Variants in PPFIBP2 observed in about 807,000 individuals in gnomAD.
PPFIBP2 encodes the protein liprin-beta-2.
PPFIBP2 carries 118 observed loss-of-function variants against 118.3 expected under a neutral mutation model. That is an observed-to-expected ratio of 1.00 (90% CI 0.86 to 1.16). The LOEUF is 1.16. PPFIBP2 is among the 50% of genes most tolerant of loss of function. The probability of loss-of-function intolerance (pLI) is 0.00; values close to 1 mark genes in which losing one functional copy is unlikely to be tolerated. For missense variants in PPFIBP2, 1,195 were observed against 1,073.1 expected, an observed-to-expected ratio of 1.11 and a Z score of -1.59; for synonymous variants, 414 against 397.4, an observed-to-expected ratio of 1.04 and a Z score of -0.50.
At chr11:7,572,311 A>G (rs555247844) in intron 3 of PPFIBP2, among the ~76,000 whole-genome samples, 1 of 152,302 alleles carries the variant, frequency 6.6e-6, no homozygotes, top group African/African-American at 2.4e-5. Context: ...TTCCTGACAC[A>G]GCAGCCAAGA....
intron 23 of PPFIBP2, among the ~76,000 whole-genome samples, chr11:7,652,120 C>G (rs1358493012): frequency 1.3e-5 from 2 of 152,252 alleles, no homozygotes; most frequent in Admixed American, 6.5e-5. Context: ...CGTCCTCTAC[C>G]CCACTGCTGC....
chr11:7,583,772 A>T (rs1031702481), intron 3 of PPFIBP2, among the ~76,000 whole-genome samples: 4 of 152,186 alleles, frequency 2.6e-5, no homozygotes, highest in African/African-American at 7.2e-5. Context: ...TGGAGAGCTG[A>T]TGGCCAGTTT....
chr11:7,524,159 T>G, intron 1 of PPFIBP2, among the ~76,000 whole-genome samples: 2 of 150,154 alleles, frequency 1.3e-5, no homozygotes, highest in African/African-American at 4.9e-5. Context: ...AGAGAGAGAG[T>G]TGTGTAGGAA....
intron 6 of PPFIBP2, among the ~76,000 whole-genome samples, chr11:7,619,463 G>A (rs967015624): frequency 2.0e-5 from 3 of 152,182 alleles, no homozygotes; most frequent in Non-Finnish European, 2.9e-5. Context: ...GTCAGGTCAC[G>A]GGTTGAAGTT....
In PPFIBP2 at chr11:7,651,107, G is replaced by A. The variant is rs959503198; in HGVS notation, c.2247+142G>A. 72 of 873,326 alleles carry A rather than the reference G, an allele frequency of 8.2e-5. No homozygotes were observed. In the African/African-American group the frequency reaches 1.1e-3, roughly 13 times the overall value. 54.1% of individuals were successfully genotyped at this position (873,326 alleles called of 1,614,324 possible). A position where few individuals can be genotyped will look rare whatever the true frequency, so the allele number is the denominator to read the frequency against. On this transcript the variant is annotated intron_variant, in intron 22 of 23. Coordinates refer to ENST00000299492, the MANE Select transcript of PPFIBP2 (RefSeq NM_003621.5). The stretch of plus-strand genomic sequence containing the variant: ...GTCTTGCATAATTTGATGTCTCAAA[G>A]TATTTTGATAACTTGTCCTTGAGAA...
intron 2 of PPFIBP2, among the ~76,000 whole-genome samples, chr11:7,565,052 C>T (rs563145263): frequency 4.8e-5 from 7 of 147,032 alleles, no homozygotes; most frequent in African/African-American, 1.8e-4. Context: ...AGAATGAGAT[C>T]TTACTGTCTA....
chr11:7,659,274 T>G (rs1854839590), downstream of PPFIBP2, among the ~76,000 whole-genome samples: 1 of 150,348 alleles, frequency 6.7e-6, no homozygotes, highest in Non-Finnish European at 1.5e-5. Context: ...TTTTATGGTT[T>G]TAGGTCTAAC....
rs374376388 is a variant in PPFIBP2 at position 7,558,871 on chromosome 11, TTAAAA to T, written c.65-6676_65-6672del. Among the ~76,000 whole-genome samples the T allele has an allele frequency of 1.4e-3, 216 of 152,336 alleles. 3 individuals are homozygous for T. In the South Asian group the frequency reaches 0.043, roughly 30 times the overall value. On this transcript the variant is annotated intron_variant, in intron 2 of 23. Transcript: ENST00000299492. ...CTTCATTAAATTTTGGTTTTGCTCC[TTAAAA>T]TAAAAATTCTCAGGTGACCTCTATA...
intron 1 of PPFIBP2, among the ~76,000 whole-genome samples, chr11:7,520,015 G>T (rs995743521): frequency 6.6e-6 from 1 of 152,304 alleles, no homozygotes; most frequent in East Asian, 1.9e-4. Context: ...GCATAGAGGG[G>T]TAGGTCCACG....
chr11:7,644,421 A>C (rs1852665593), intron 17 of PPFIBP2, among the ~76,000 whole-genome samples: 1 of 152,222 alleles, frequency 6.6e-6, no homozygotes, highest in South Asian at 2.1e-4. Flanking sequence ...GTAAAGTATA[A>C]TGTTTAAGGC....
At chr11:7,619,561 T>C (rs1237041247) in intron 6 of PPFIBP2, among the ~76,000 whole-genome samples, 3 of 152,270 alleles carry the variant, frequency 2.0e-5, no homozygotes, top group Non-Finnish European at 4.4e-5. Flanking sequence ...TCAGTTGCTT[T>C]GAGAGGAGCA....
rs74503642 is a variant in PPFIBP2 at position 7,596,919 on chromosome 11, G to A, written c.373-641G>A. On this transcript the variant is annotated intron_variant, in intron 4 of 23. Coordinates refer to ENST00000299492, the MANE Select transcript of PPFIBP2 (RefSeq NM_003621.5). Reference sequence around the variant, plus strand: ...AATATTTTTAATAGGGATTCTCAGCGTTCTTCAGAAAGATGACTTTTTTTC... The same window carrying A: ...AATATTTTTAATAGGGATTCTCAGCATTCTTCAGAAAGATGACTTTTTTTC... 2.5e-3 allele frequency among the ~76,000 whole-genome samples: 379 copies of A among 152,256 alleles called. 5 individuals carry two copies. The highest frequency in any genetic ancestry group is 8.6e-3 in the African/African-American group (356 of 41,562).
chr11:7,602,537 C>G (rs151134064), intron 5 of PPFIBP2, among the ~76,000 whole-genome samples: 3 of 152,270 alleles, frequency 2.0e-5, no homozygotes, highest in Non-Finnish European at 4.4e-5. Context: ...TGATGCTACT[C>G]GGTGGATAAG....
intron 5 of PPFIBP2, chr11:7,597,976 T>C (rs1860695535): frequency 6.9e-6 from 2 of 288,744 alleles, no homozygotes; most frequent in African/African-American, 2.1e-5. Context: ...GCTGGGGGCC[T>C]CACCCTCATC....
chr11:7,662,640 C>G, the PPFIBP2 span, among the ~76,000 whole-genome samples: 1 of 146,580 alleles, frequency 6.8e-6, no homozygotes, highest in African/African-American at 2.5e-5. Context: ...AGTTGCTCTT[C>G]TCGAGGAGTA....
At chr11:7,631,400 C>A (rs947019656) in intron 11 of PPFIBP2, among the ~76,000 whole-genome samples, 1 of 152,134 alleles carries the variant, frequency 6.6e-6, no homozygotes, top group Non-Finnish European at 1.5e-5. Context: ...CAGTAGAATT[C>A]AACAAATATT....
chr11:7,656,611 G>A (rs1854713249), downstream of PPFIBP2: 1 of 577,570 alleles, frequency 1.7e-6, no homozygotes, highest in South Asian at 1.6e-5. Context: ...TAAACTTATA[G>A]TGCACCTGTG....
rs138165324 is a variant in PPFIBP2, at chr11:7,649,549, A to T, written c.2016A>T (p.Leu672Phe). The change falls in exon 21 of 24, where the codon TTA becomes TTT. Residue 672 changes from leucine to phenylalanine, a missense_variant. Leu to Phe is a conservative substitution (Grantham distance 22). Coordinates refer to ENST00000299492, the MANE Select transcript of PPFIBP2 (RefSeq NM_003621.5). ...QYLTVNDLLF[L>F]KVTSQLHHLS... ...TCTTTCAGAACGATTTACTCTTCTT[A>T]AAAGTCACCAGCCAACTACATCATC... 5 of 1,614,080 alleles carry T rather than the reference A, an allele frequency of 3.1e-6. No homozygotes were observed. Among genetic ancestry groups the T allele is most frequent in the Admixed American group, 1.7e-5 (1 of 60,002 alleles).
chr11:7,544,933 C>T (rs1356379768), intron 1 of PPFIBP2, among the ~76,000 whole-genome samples: 2 of 152,112 alleles, frequency 1.3e-5, no homozygotes, highest in Non-Finnish European at 2.9e-5. Context: ...AGCCCCATAT[C>T]CCTGAGGAGC....
Sources: allele counts gnomAD v4.1 joint callset (sites outside exome capture counted in the v4.1 genomes callset), GRCh38; gene constraint gnomAD v4.1.1; transcripts MANE v1.5; gene names NCBI Gene and HGNC (gene_info 2026-07-23, HGNC 2026-07-21).